The following RPS16 variants were observed in gnomAD, a reference collection of about 807,000 sequenced individuals.
RPS16 encodes the protein ribosomal protein S16.
In RPS16, 2 loss-of-function variants were observed where a neutral mutation model predicts 20.1. The ratio of observed to expected loss-of-function variants is 0.10; its 90% CI spans 0.04 to 0.31. RPS16 has a LOEUF of 0.31. Among genes scored for constraint, RPS16 ranks in the 10% least tolerant of loss-of-function variants. RPS16 has a pLI of 1.00. For missense variants in RPS16, 129 were observed against 198.6 expected (o/e 0.65, Z 2.11); for synonymous variants, 95 against 76.1 (o/e 1.25, Z -1.29).
rs529940539 is a variant in RPS16, at chr19:39,434,748, T to C, written c.150+859A>G. 2.6e-5 allele frequency: 4 copies of C among 152,270 alleles called. No homozygotes were observed. The South Asian group carries it at 8.3e-4, about 32-fold the overall frequency. 9.4% of individuals were successfully genotyped at this position (152,270 alleles called of 1,614,324 possible). ...TGGGAGGATCTCCAACTCAGGAGTT[T>C]AAGGCTGCAGTTCATTAGGATTGTG... On this transcript the variant is annotated intron_variant, in intron 2 of 4. Transcript: ENST00000251453.
Position 39,435,946 on chromosome 19 carries a change from A to G in RPS16, c.-51T>C, listed in dbSNP as rs2078861603. ...TCACCGCGCGGCGCCGCAACCGGAA[A>G]AGGAAAGCTAGGGGCCACCCTGGCC... On this transcript the variant is annotated 5_prime_UTR_variant, in exon 1 of 5. Coordinates refer to ENST00000251453, the MANE Select transcript of RPS16 (RefSeq NM_001020.6). 2 of 1,600,860 alleles carry G rather than the reference A, an allele frequency of 1.2e-6. No individual in the cohort carries two copies. Among genetic ancestry groups the G allele is most frequent in the East Asian group, 2.2e-5 (1 of 44,862 alleles).
At position 39,433,341 on chromosome 19, in the gene RPS16, G is replaced by A; in HGVS notation, c.373C>T (p.Arg125Cys). ...CCAAACTTTTTGGACTCGCAGCGAC[G>A]AGGGTCAGCTACCAGCAGGGTCCGG... The part of the protein sequence containing the change: ...YDRTLLVADP[R>C]RCESKKFGGP... Residue 125 changes from arginine (R) to cysteine (C), a missense_variant, in exon 5 of 5, where the codon CGT (arginine) becomes TGT (cysteine). Physicochemically the swap from Arg to Cys is radical, Grantham distance 180. Around this residue, in one of 2 missense-constraint regions of RPS16, gnomAD observed 12 missense variants for 47.2 expected, o/e 0.25. Transcript: ENST00000251453. The A allele has an allele frequency of 6.2e-7, 1 of 1,614,058 alleles. No homozygotes were observed. The highest frequency in any genetic ancestry group is 8.5e-7 in the Non-Finnish European group (1 of 1,180,004).
intron 2 of RPS16, chr19:39,433,993 C>T (rs531378156): frequency 3.9e-6 from 2 of 513,892 alleles, no homozygotes; most frequent in South Asian, 4.2e-5. Flanking sequence ...GTAAAGGGAA[C>T]AAGATCTGGG....
rs1040216330 is a variant in RPS16 at position 39,435,888 on chromosome 19, G to A, written c.8C>T (p.Ser3Phe). 2.5e-6 allele frequency: 4 copies of A among 1,606,234 alleles called. No homozygotes were observed. The highest frequency in any genetic ancestry group is 2.5e-6 in the Non-Finnish European group (3 of 1,179,980). Reference sequence around the variant, plus strand: ...CTGCACAGACTGCAGCGGGCCCTTGGACGGCATGGCTCCGAGCGTGGACTA... The same window carrying A: ...CTGCACAGACTGCAGCGGGCCCTTGAACGGCATGGCTCCGAGCGTGGACTA... MPSKGPLQSVQVF... is the reference protein window; with the variant it reads MPFKGPLQSVQVF... The change falls in exon 1 of 5, where the codon TCC (serine) becomes TTC (phenylalanine). Residue 3 changes from serine to phenylalanine, a missense_variant. Physicochemically the swap from Ser to Phe is radical, Grantham distance 155 (BLOSUM62 -2). This residue lies in a region of RPS16 where 117 missense variants were observed against 151.4 expected (regional missense o/e 0.77). Transcript: ENST00000251453.
intron 2 of RPS16, chr19:39,434,014 C>T: frequency 2.1e-6 from 1 of 477,706 alleles, no homozygotes; most frequent in Admixed American, 3.3e-5. Context: ...CTCCCTCCTA[C>T]TTGTGTCCCT....
intron 2 of RPS16, chr19:39,434,460 A>G (rs2078848474): frequency 6.5e-6 from 1 of 152,918 alleles, no homozygotes; most frequent in Non-Finnish European, 1.5e-5. Flanking sequence ...AACAGAGGGT[A>G]CACATACAAA....
rs1289460449 is a variant in RPS16, at chr19:39,433,272, C to A, written c.*1G>T. 1.2e-6 allele frequency: 2 copies of A among 1,612,394 alleles called. No individual in the cohort carries two copies. The highest frequency in any genetic ancestry group is 1.7e-6 in the Non-Finnish European group (2 of 1,180,004). On this transcript the variant is annotated 3_prime_UTR_variant, in exon 5 of 5. Transcript: ENST00000251453. ...CAAGTGAGTTTTGAGTCACGATGGG[C>A]TTATCGGTAGGATTTCTGGTAGCGA...
At chr19:39,435,585 C>G (rs1425847102) in intron 2 of RPS16, 22 bp downstream of exon 2, 2 of 1,600,662 alleles carry the variant, frequency 1.2e-6, no homozygotes, top group Admixed American at 3.4e-5. Flanking sequence ...ATCCACTCAA[C>G]GCCGGTGCCG....
intron 3 of RPS16, 32 bp downstream of exon 3, chr19:39,433,633 C>T (rs1266634707): frequency 3.7e-6 from 6 of 1,614,214 alleles, no homozygotes; most frequent in Non-Finnish European, 5.1e-6. Context: ...CCCAGAGCCA[C>T]CTCCTCCATG....
rs150874598 is a variant in RPS16, at chr19:39,433,746, G to A, written c.166C>T (p.Leu56=). 5.3e-5 allele frequency: 86 copies of A among 1,614,006 alleles called. No homozygotes were observed. Among genetic ancestry groups the A allele is most frequent in the Non-Finnish European group, 6.9e-5 (81 of 1,180,016 alleles). ...TLQYKLLEPV[L]LLGKERFAGV... ...GCAAATCGCTCCTTGCCGAGAAGCA[G>A]AACTGGCTCCAGCAGCTAAAGGAAT... The change falls in exon 3 of 5, where the codon CTG becomes TTG. Residue 56 remains leucine (L), a synonymous_variant. Coordinates refer to ENST00000251453, the MANE Select transcript of RPS16 (RefSeq NM_001020.6).
chr19:39,435,437 T>G (rs927633405), intron 2 of RPS16, 170 bp downstream of exon 2: 7 of 593,088 alleles, frequency 1.2e-5, no homozygotes, highest in Non-Finnish European at 2.1e-5. Context: ...AGCTTTTACA[T>G]CTTCTGAACC....
rs750464354 is a variant in RPS16, at chr19:39,435,700, C to T, written c.57G>A (p.Ala19=). The change falls in exon 2 of 5, where the codon GCG becomes GCA. Residue 19 remains alanine, a synonymous_variant. Transcript: ENST00000251453. ...SVQVFGRKKT[A]TAVAHCKRGN... ...CGCGTTTGCAGTGCGCCACAGCTGT[C>T]GCTGTCTTCTGTAAGATACAAGAGA... 5.6e-6 allele frequency: 9 copies of T among 1,613,602 alleles called. No individual in the cohort carries two copies. The South Asian group carries it at 7.7e-5, about 14-fold the overall frequency.
Position 39,435,624 on chromosome 19 carries a change from G to C in RPS16, c.133C>G (p.Arg45Gly). 1 of 1,613,704 alleles carries C rather than the reference G, an allele frequency of 6.2e-7. No individual in the cohort carries two copies. The highest frequency in any genetic ancestry group is 8.5e-7 in the Non-Finnish European group (1 of 1,180,012). The change falls in exon 2 of 5, where the codon CGC (arginine) becomes GGC (glycine). Residue 45 changes from arginine to glycine, a missense_variant. Transcript: ENST00000251453. ...NGRPLEMIEP[R>G]TLQYKLLEPV... ...CCCAGCACCTTGTACTGTAGCGTGCGCGGCTCAATCATCTCCAGGGGCCGC... is the reference window on the plus strand; with the variant it reads ...CCCAGCACCTTGTACTGTAGCGTGCCCGGCTCAATCATCTCCAGGGGCCGC...
chr19:39,435,826 TC>T, intron 1 of RPS16, 21 bp downstream of exon 1: 1 of 1,610,742 alleles, frequency 6.2e-7, no homozygotes, highest in Non-Finnish European at 8.5e-7. Flanking sequence ...CCCCTCCCCT[TC>T]CCATCCGGCG....
In RPS16 at chr19:39,433,168, G is replaced by A; in HGVS notation, c.*105C>T. On this transcript the variant is annotated 3_prime_UTR_variant, in exon 5 of 5. Coordinates refer to ENST00000251453, the MANE Select transcript of RPS16 (RefSeq NM_001020.6). The stretch of plus-strand genomic sequence containing the variant: ...CCAGGATGTTTACTGATTTCTGTCT[G>A]GTTAAACATCCAATACCAACACATA... 1.6e-6 allele frequency: 2 copies of A among 1,232,766 alleles called. No individual in the cohort carries two copies. The allele number at this position is 1,232,766 out of a possible 1,614,324, so 76.4% of individuals were successfully genotyped here.
intron 2 of RPS16, 53 bp downstream of exon 2, chr19:39,435,552 ATC>A (rs1439481080): frequency 1.5e-5 from 22 of 1,458,108 alleles, no homozygotes; most frequent in Non-Finnish European, 2.0e-5. Context: ...GAGCTACAAC[ATC>A]TCTGTCTCCA....
At chr19:39,433,496 C>CA in intron 4 of RPS16, 26 bp downstream of exon 4, 3 of 1,613,386 alleles carry the variant, frequency 1.9e-6, no homozygotes, top group Non-Finnish European at 1.7e-6. Flanking sequence ...CCATCTACCT[C>CA]ATGGGAAGGA....
Position 39,433,570 on chromosome 19 carries a change from CTG to C in RPS16, c.248-3_248-2del. On this transcript the variant is annotated splice_acceptor_variant and splice_polypyrimidine_tract_variant and intron_variant, in intron 3 of 4. Transcript: ENST00000251453. LOFTEE classifies it high-confidence loss of function. ...GCTTTGGAGATGGACTGACGGATAG[CTG>C]TGAGAAAGACACACAATTAAAGGGT... is the stretch of plus-strand genomic sequence containing the variant. 6.2e-7 allele frequency: 1 copy of C among 1,614,204 alleles called. No individual in the cohort carries two copies. Among genetic ancestry groups the C allele is most frequent in the Non-Finnish European group, 8.5e-7 (1 of 1,180,040 alleles).
chr19:39,435,358 C>T (rs1473648140), intron 2 of RPS16: 2 of 497,404 alleles, frequency 4.0e-6, no homozygotes, highest in Non-Finnish European at 7.1e-6. Flanking sequence ...GTCCCCCCGC[C>T]CCAGTGAGGT....
Sources: allele counts gnomAD v4.1 joint callset, GRCh38; gene constraint gnomAD v4.1.1; regional missense constraint gnomAD v4.1.1; transcripts MANE v1.5; gene names NCBI Gene and HGNC (gene_info 2026-07-23, HGNC 2026-07-21).